KIAA1614: variants seen among roughly 807,000 people sequenced by gnomAD.
KIAA1614 encodes uncharacterized protein KIAA1614.
KIAA1614 carries 76 observed loss-of-function variants against 88.7 expected under a neutral mutation model. The ratio of observed to expected loss-of-function variants is 0.86; its 90% CI spans 0.71 to 1.04. KIAA1614 has a LOEUF of 1.04. Ranked by LOEUF, KIAA1614 falls within the 50% of genes least tolerant of loss-of-function variation. KIAA1614 has a pLI of 0.00. For missense variants in KIAA1614, 1,553 were observed against 1,582.5 expected, an observed-to-expected ratio of 0.98 and a Z score of 0.32; for synonymous variants, 714 against 675.5, an observed-to-expected ratio of 1.06 and a Z score of -0.88.
At chr1:180,941,006 G>GGGCCC in intron 6 of KIAA1614, 39 bp from the exon 7 acceptor site, 28 of 908,440 alleles carry the variant, frequency 3.1e-5, no homozygotes, top group Non-Finnish European at 3.8e-5. Flanking sequence ...CACCCTCCCG[G>GGGCCC]CCCTCCCCCG....
At chr1:180,934,252 CAAAAA>C (rs71121058) in intron 4 of KIAA1614, among the ~76,000 whole-genome samples, 5 of 101,802 alleles carry the variant, frequency 4.9e-5, no homozygotes, top group African/African-American at 4.3e-5. Flanking sequence ...AACTCCGTCT[CAAAAA>C]AAAAAAAAAA....
intron 2 of KIAA1614, 64 bp downstream of exon 2, chr1:180,917,164 G>A: frequency 2.3e-6 from 3 of 1,283,286 alleles, no homozygotes; most frequent in Non-Finnish European, 3.3e-6. Context: ...GGGAGGAAAA[G>A]GGGACGAGGG....
chr1:180,924,502 A>G (rs1441498464), intron 3 of KIAA1614, among the ~76,000 whole-genome samples: 1 of 152,178 alleles, frequency 6.6e-6, no homozygotes, highest in Non-Finnish European at 1.5e-5. Context: ...AGGCCTCCAC[A>G]CAGATCCTTT....
chr1:180,941,400 T>C (rs1654461751), intron 7 of KIAA1614, 115 bp downstream of exon 7: 1 of 1,296,042 alleles, frequency 7.7e-7, no homozygotes, highest in Non-Finnish European at 1.1e-6. Flanking sequence ...GAGCCCACAG[T>C]AGGGAGACGG....
chr1:180,943,550 C>CTTTTTTTTTTTTTTTTTTTTTTTTT lies in KIAA1614; in HGVS notation c.3160-823_3160-822insTTTTTTTTTTTTTTTTTTTTTTTTT, dbSNP rs60128001. Among the ~76,000 whole-genome samples the CTTTTTTTTTTTTTTTTTTTTTTTTT allele has an allele frequency of 6.1e-5, 6 of 98,220 alleles. 1 individual carries two copies. The highest frequency in any genetic ancestry group is 2.5e-4 in the African/African-American group (6 of 23,848). 64.4% of individuals were successfully genotyped at this position (98,220 alleles called of 152,430 possible). ...ATTGTAGGATTGAATGGTAGTAGAT[C>CTTTTTTTTTTTTTTTTTTTTTTTTT]TTTTTTTTTTTTTTTTGAGACAGGG... On this transcript the variant is annotated intron_variant, in intron 7 of 8. Coordinates refer to ENST00000367588, the MANE Select transcript of KIAA1614 (RefSeq NM_020950.2).
intron 1 of KIAA1614, chr1:180,914,129 G>A (rs1426539053): frequency 1.4e-5 from 2 of 146,360 alleles, no homozygotes; most frequent in Non-Finnish European, 3.0e-5. Flanking sequence ...ATACACATAA[G>A]GATTTTTATG....
chr1:180,933,702 C>A (rs1432642899), intron 4 of KIAA1614, among the ~76,000 whole-genome samples: 1 of 152,176 alleles, frequency 6.6e-6, no homozygotes, highest in Non-Finnish European at 1.5e-5. Context: ...CTGAGCAGGA[C>A]TTGACTATTC....
chr1:180,926,035 T>C (rs914328489), intron 3 of KIAA1614, among the ~76,000 whole-genome samples: 6 of 152,190 alleles, frequency 3.9e-5, no homozygotes, highest in Non-Finnish European at 8.8e-5. Flanking sequence ...AGCCACTTTA[T>C]TCCTATGCTC....
chr1:180,919,940 T>C (rs935733330), intron 3 of KIAA1614, among the ~76,000 whole-genome samples: 9 of 152,064 alleles, frequency 5.9e-5, no homozygotes, highest in African/African-American at 2.2e-4. Context: ...AGAGAGAAGG[T>C]CTCTTAGTGA....
chr1:180,915,841 G>A (rs1402055465), intron 1 of KIAA1614, among the ~76,000 whole-genome samples: 7 of 152,198 alleles, frequency 4.6e-5, no homozygotes, highest in Non-Finnish European at 7.3e-5. Context: ...ATTGTGAACT[G>A]CGCATGTGAG....
chr1:180,924,894 A>ATAATAATAATAATAATAATAATAG (rs1483153016), intron 3 of KIAA1614, among the ~76,000 whole-genome samples: 3 of 148,678 alleles, frequency 2.0e-5, no homozygotes, highest in Non-Finnish European at 3.0e-5. Flanking sequence ...TAAAATAATA[A>ATAATAATAATAATAATAATAATAG]TAATAATAAT....
intron 1 of KIAA1614, among the ~76,000 whole-genome samples, chr1:180,915,671 G>C (rs549624964): frequency 1.3e-5 from 2 of 152,258 alleles, no homozygotes; most frequent in African/African-American, 4.8e-5. Context: ...CCGGGGCCAC[G>C]AACCAATAGC....
chr1:180,916,088 C>T lies in KIAA1614; in HGVS notation c.51-66C>T, dbSNP rs980327415. The T allele has an allele frequency of 3.8e-6, 5 of 1,298,708 alleles. No homozygotes were observed. The African/African-American group carries it at 7.4e-5, about 19-fold the overall frequency. 80.4% of individuals were successfully genotyped at this position (1,298,708 alleles called of 1,614,324 possible). ...GACTCAACGCCAAGACACTTTGGGG[C>T]CCCGGGAGGTTGTGGGGGTTAGTCC... is the stretch of plus-strand genomic sequence containing the variant. On this transcript the variant is annotated intron_variant, in intron 1 of 8. Transcript: ENST00000367588.
Position 180,938,240 on chromosome 1 carries a change from T to C in KIAA1614, c.2762-315T>C, listed in dbSNP as rs553968837. On this transcript the variant is annotated intron_variant, in intron 5 of 8. Coordinates refer to ENST00000367588, the MANE Select transcript of KIAA1614 (RefSeq NM_020950.2). ...TGGCTTATCATAGTCAACCTTTTCA[T>C]TTAACAAACAGTGATCATCTACTGT... 3.9e-5 allele frequency among the ~76,000 whole-genome samples: 6 copies of C among 152,328 alleles called. No individual in the cohort carries two copies. In the East Asian group the frequency reaches 9.6e-4, roughly 24 times the overall value.
At chr1:180,924,919 T>C (rs1302403205) in intron 3 of KIAA1614, among the ~76,000 whole-genome samples, 1 of 151,132 alleles carries the variant, frequency 6.6e-6, no homozygotes, top group Non-Finnish European at 1.5e-5. Context: ...AATGCTAACA[T>C]TTGTGGACTC....
chr1:180,923,672 G>T (rs1654002232), intron 3 of KIAA1614, among the ~76,000 whole-genome samples: 1 of 152,126 alleles, frequency 6.6e-6, no homozygotes. Flanking sequence ...GCAGGGAAAG[G>T]CTCTCAGAAA....
chr1:180,926,558 CT>C (rs1299339657), intron 3 of KIAA1614, among the ~76,000 whole-genome samples: 1 of 152,066 alleles, frequency 6.6e-6, no homozygotes, highest in East Asian at 1.9e-4. Flanking sequence ...GCTTTAAAAC[CT>C]GGGGGCAAGG....
intron 7 of KIAA1614, among the ~76,000 whole-genome samples, chr1:180,943,219 G>T (rs1654509567): frequency 6.6e-6 from 1 of 152,046 alleles, no homozygotes; most frequent in Non-Finnish European, 1.5e-5. Context: ...TAGAGATGGG[G>T]TTTCACCATG....
At position 180,916,675 on chromosome 1, in the gene KIAA1614, A is replaced by C. The variant is rs755041903; in HGVS notation, c.572A>C (p.Glu191Ala). The change falls in exon 2 of 9, where the codon GAA (glutamate) becomes GCA (alanine). Residue 191 changes from glutamate (E) to alanine (A), a missense_variant. Coordinates refer to ENST00000367588, the MANE Select transcript of KIAA1614 (RefSeq NM_020950.2). ...GGGAGCCCGTGGCCTCCAGAAGCCG[A>C]ATGGACACTTCCTGACCATGACAGA... ...NRGSPWPPEA[E>A]WTLPDHDRGP... 2.6e-5 allele frequency: 41 copies of C among 1,604,248 alleles called. No homozygotes were observed. The highest frequency in any genetic ancestry group is 3.1e-5 in the Non-Finnish European group (36 of 1,173,976).
Sources: gnomAD v4.1 joint callset for allele counts (sites outside exome capture counted in the v4.1 genomes callset) on GRCh38, gnomAD v4.1.1 for gene constraint, MANE v1.5 for transcripts, NCBI Gene and HGNC (gene_info 2026-07-23, HGNC 2026-07-21) for gene names.